Variants in SKAP1 observed in about 807,000 individuals in gnomAD.
The protein encoded by SKAP1 is src kinase-associated phosphoprotein 1.
SKAP1 carries 44 observed loss-of-function variants against 58.5 expected under a neutral mutation model. That is an observed-to-expected ratio of 0.75 (90% confidence interval 0.59 to 0.97). The LOEUF (loss-of-function observed/expected upper bound fraction) is 0.97, where lower values mean the gene tolerates loss of function less well. Ranked by LOEUF, SKAP1 falls within the 50% of genes least tolerant of loss-of-function variation. SKAP1 has a pLI of 0.00. For missense variants in SKAP1, 390 were observed against 435.2 expected (o/e 0.90, Z 0.92); for synonymous variants, 127 against 149.7 (o/e 0.85, Z 1.11).
At chr17:48,443,121 T>TC in the SKAP1 span, among the ~76,000 whole-genome samples, 1 of 152,162 alleles carries the variant, frequency 6.6e-6, no homozygotes, top group Admixed American at 6.5e-5. Flanking sequence ...CCCAGCTAAC[T>TC]CCTACTCATG....
intron 4 of SKAP1, among the ~76,000 whole-genome samples, chr17:48,237,329 T>A (rs549295837): frequency 9.2e-5 from 14 of 152,370 alleles, no homozygotes; most frequent in African/African-American, 2.6e-4. Flanking sequence ...TTTTCTGACA[T>A]CAAAATTCTT....
At chr17:48,410,373 G>A (rs145720310) in intron 1 of SKAP1, among the ~76,000 whole-genome samples, 51 of 152,234 alleles carry the variant, frequency 3.4e-4, no homozygotes, top group African/African-American at 1.2e-3. Context: ...ACATACACGT[G>A]TATTTCCTTG....
intron 1 of SKAP1, among the ~76,000 whole-genome samples, chr17:48,420,979 G>A (rs1429661634): frequency 6.6e-6 from 1 of 152,070 alleles, no homozygotes; most frequent in Non-Finnish European, 1.5e-5. Context: ...CACTGGTTTG[G>A]GCCTACACAA....
chr17:48,279,870 T>C (rs544617453), intron 4 of SKAP1, among the ~76,000 whole-genome samples: 1 of 152,322 alleles, frequency 6.6e-6, no homozygotes, highest in South Asian at 2.1e-4. Context: ...CCTTCTTTCC[T>C]GTGCTCACAG....
At chr17:48,397,522 G>A (rs553842753) in intron 1 of SKAP1, among the ~76,000 whole-genome samples, 52 of 152,228 alleles carry the variant, frequency 3.4e-4, no homozygotes, top group African/African-American at 1.0e-3. Context: ...CACCGCGCCC[G>A]GCCTGGACTG....
chr17:48,254,789 A>G (rs1321884292), intron 4 of SKAP1, among the ~76,000 whole-genome samples: 1 of 151,868 alleles, frequency 6.6e-6, no homozygotes, highest in Non-Finnish European at 1.5e-5. Flanking sequence ...TGTCACCTAG[A>G]AATACCATAA....
upstream of SKAP1, among the ~76,000 whole-genome samples, chr17:48,434,662 C>G (rs923784915): frequency 6.6e-6 from 1 of 152,108 alleles, no homozygotes; most frequent in Non-Finnish European, 1.5e-5. Flanking sequence ...AAAGAATCTT[C>G]AAAGGGAGCA....
intron 4 of SKAP1, among the ~76,000 whole-genome samples, chr17:48,243,690 T>G (rs1158116350): frequency 3.9e-5 from 6 of 152,198 alleles, no homozygotes; most frequent in Admixed American, 3.3e-4. Flanking sequence ...GTACTTGTTT[T>G]GCAGTACAAT....
intron 4 of SKAP1, among the ~76,000 whole-genome samples, chr17:48,325,248 CAAAAAAAAAAAA>C (rs200281665): frequency 1.3e-3 from 119 of 91,446 alleles, no homozygotes; most frequent in Middle Eastern, 6.5e-3. Context: ...GACTCCGTCT[CAAAAAAAAAAAA>C]AAAAAAAAAA....
intron 1 of SKAP1, among the ~76,000 whole-genome samples, chr17:48,406,069 A>G (rs1315412645): frequency 6.6e-6 from 1 of 151,942 alleles, no homozygotes; most frequent in East Asian, 2.0e-4. Flanking sequence ...GATCGAGACC[A>G]TCCTTGCCAA....
At chr17:48,389,213 C>T (rs1261029249) in intron 2 of SKAP1, among the ~76,000 whole-genome samples, 3 of 152,242 alleles carry the variant, frequency 2.0e-5, no homozygotes, top group Non-Finnish European at 2.9e-5. Context: ...TGCTGTAGTA[C>T]TACTGGTTTG....
At chr17:48,324,315 T>A (rs1288690710) in intron 4 of SKAP1, among the ~76,000 whole-genome samples, 1 of 152,120 alleles carries the variant, frequency 6.6e-6, no homozygotes, top group South Asian at 2.1e-4. Context: ...TTCCATCACA[T>A]GGATGTACTA....
chr17:48,296,923 T>C lies in SKAP1; in HGVS notation c.280+48982A>G, dbSNP rs555874150. Among the ~76,000 whole-genome samples, 4 of 152,210 alleles carry C rather than the reference T, an allele frequency of 2.6e-5. 1 individual carries two copies. The highest frequency in any genetic ancestry group is 9.6e-5 in the African/African-American group (4 of 41,564). ...GAAGGCCTGCTGGTGGAAGTTGAAC[T>C]GTAACCTCTCTTAGACTGTCCTGAA... On this transcript the variant is annotated intron_variant, in intron 4 of 12. Transcript: ENST00000336915.
intron 4 of SKAP1, among the ~76,000 whole-genome samples, chr17:48,246,074 T>A (rs910242176): frequency 1.3e-5 from 2 of 152,194 alleles, no homozygotes; most frequent in Non-Finnish European, 2.9e-5. Flanking sequence ...TTAAAATACA[T>A]AAATCACTTA....
chr17:48,385,992 A>T (rs1390289539), intron 2 of SKAP1, among the ~76,000 whole-genome samples: 1 of 152,174 alleles, frequency 6.6e-6, no homozygotes, highest in African/African-American at 2.4e-5. Context: ...ATAGAACTCC[A>T]ATACATGGTC....
At chr17:48,254,063 T>A (rs1598474918) in intron 4 of SKAP1, among the ~76,000 whole-genome samples, 1 of 152,182 alleles carries the variant, frequency 6.6e-6, no homozygotes. Context: ...CTGGAATTAA[T>A]ATCCCTGAGA....
chr17:48,276,566 A>AG (rs2065704305), intron 4 of SKAP1, among the ~76,000 whole-genome samples: 1 of 152,154 alleles, frequency 6.6e-6, no homozygotes, highest in Admixed American at 6.5e-5. Flanking sequence ...TATAATGATG[A>AG]GGTCTCTTAA....
At chr17:48,221,804 T>C (rs745703497) in intron 4 of SKAP1, among the ~76,000 whole-genome samples, 2 of 152,182 alleles carry the variant, frequency 1.3e-5, no homozygotes, top group African/African-American at 2.4e-5. Context: ...GGTGGCGTAA[T>C]TTAAAAATCT....
At chr17:48,205,019 C>CTTTCTTTCTT (rs1567819944) in intron 4 of SKAP1, among the ~76,000 whole-genome samples, 16 of 42,008 alleles carry the variant, frequency 3.8e-4, no homozygotes, top group Middle Eastern at 0.01. Context: ...CTTTCTTTTT[C>CTTTCTTTCTT]TTTCTTTCTT....
Sources: allele counts gnomAD v4.1 joint callset (sites outside exome capture counted in the v4.1 genomes callset), GRCh38; gene constraint gnomAD v4.1.1; transcripts MANE v1.5; gene names NCBI Gene and HGNC (gene_info 2026-07-23, HGNC 2026-07-21).